The following ZNF771 variants were observed in gnomAD, a reference collection of about 807,000 sequenced individuals.
ZNF771 encodes mesenchymal stem cell protein DSC43.
ZNF771 carries 10 observed loss-of-function variants against 27.6 expected under a neutral mutation model. The ratio of observed to expected loss-of-function variants is 0.36; its 90% confidence interval spans 0.22 to 0.61. The LOEUF is 0.61. ZNF771 is among the 20% of genes least tolerant of loss of function. The probability of loss-of-function intolerance (pLI) is 0.70; values close to 1 mark genes in which losing one functional copy is unlikely to be tolerated. For synonymous variants in ZNF771, 261 were observed against 225.2 expected (o/e 1.16, Z -1.43); for missense variants, 438 against 503.7 (o/e 0.87, Z 1.25).
chr16:30,411,863 A>G (rs992781197), intron 2 of ZNF771, among the ~76,000 whole-genome samples: 31 of 152,306 alleles, frequency 2.0e-4, no homozygotes, highest in African/African-American at 7.2e-4. Context: ...TCCTGTGGCC[A>G]GTCACTGTCC....
chr16:30,418,605 T>C lies in ZNF771; in HGVS notation c.*238T>C, dbSNP rs1381341908. 2 of 412,882 alleles carry C rather than the reference T, an allele frequency of 4.8e-6. No homozygotes were observed. The highest frequency in any genetic ancestry group is 9.4e-5 in the South Asian group (1 of 10,650). 25.6% of individuals were successfully genotyped at this position (412,882 alleles called of 1,614,324 possible). A position where few individuals can be genotyped will look rare whatever the true frequency, so the allele number is the denominator to read the frequency against. On this transcript the variant is annotated 3_prime_UTR_variant, in exon 3 of 3. Transcript: ENST00000319296. ...AAGTATTATATCCTCACCCCACCCG[T>C]GCCTGTGAGTGAGGTGGGTGGGAGA...
At position 30,418,433 on chromosome 16, in the gene ZNF771, T is replaced by G; in HGVS notation, c.*66T>G. 1 of 1,331,418 alleles carries G rather than the reference T, an allele frequency of 7.5e-7. No individual in the cohort carries two copies. Among genetic ancestry groups the G allele is most frequent in the Non-Finnish European group, 9.6e-7 (1 of 1,038,974 alleles). 82.5% of individuals were successfully genotyped at this position (1,331,418 alleles called of 1,614,324 possible). On this transcript the variant is annotated 3_prime_UTR_variant, in exon 3 of 3. Coordinates refer to ENST00000319296, the MANE Select transcript of ZNF771 (RefSeq NM_001142305.2). ...TGGCTGCACTAACCCAGGCTCCTCC[T>G]CGCCCCGGCCTCCGGGTCTGGGAAA... is the stretch of plus-strand genomic sequence containing the variant.
At chr16:30,415,382 CTTTTTTTTTT>C (rs397854803) in intron 2 of ZNF771, among the ~76,000 whole-genome samples, 2 of 132,220 alleles carry the variant, frequency 1.5e-5, no homozygotes, top group South Asian at 4.8e-4. Flanking sequence ...TGCTGTCACC[CTTTTTTTTTT>C]TTTTTTTTTT....
At chr16:30,416,920 T>TA (rs34982677) in intron 2 of ZNF771, among the ~76,000 whole-genome samples, 16,136 of 100,590 alleles carry the variant, frequency 0.16, 1,302 homozygotes, top group South Asian at 0.34. Context: ...CCCTGTCTCT[T>TA]AAAAAAAAAA....
In ZNF771 at chr16:30,418,588, T is replaced by C. The variant is rs1597033909; in HGVS notation, c.*221T>C. Reference sequence around the variant, plus strand: ...GCCCGTGTTAGTGAATAAAGTATTATATCCTCACCCCACCCGTGCCTGTGA... The same window carrying C: ...GCCCGTGTTAGTGAATAAAGTATTACATCCTCACCCCACCCGTGCCTGTGA... On this transcript the variant is annotated 3_prime_UTR_variant, in exon 3 of 3. Transcript: ENST00000319296. 4.5e-6 allele frequency: 2 copies of C among 441,996 alleles called. No homozygotes were observed. Among genetic ancestry groups the C allele is most frequent in the African/African-American group, 4.1e-5 (2 of 49,060 alleles). 27.4% of individuals were successfully genotyped at this position (441,996 alleles called of 1,614,324 possible).
intron 2 of ZNF771, chr16:30,413,716 C>A: frequency 4.0e-6 from 1 of 248,296 alleles, no homozygotes; most frequent in South Asian, 3.8e-5. Flanking sequence ...ACTACAAGTG[C>A]ACCCCACCAC....
chr16:30,418,557 C>A lies in ZNF771; in HGVS notation c.*190C>A, dbSNP rs2050151330. On this transcript the variant is annotated 3_prime_UTR_variant, in exon 3 of 3. Coordinates refer to ENST00000319296, the MANE Select transcript of ZNF771 (RefSeq NM_001142305.2). ...AGTGCCCACCCCACATCACTACATT[C>A]CCTCGGCCCGTGTTAGTGAATAAAG... is the stretch of plus-strand genomic sequence containing the variant. 3.9e-6 allele frequency: 2 copies of A among 517,974 alleles called. No individual in the cohort carries two copies. The highest frequency in any genetic ancestry group is 3.5e-5 in the East Asian group (1 of 28,522). 32.1% of individuals were successfully genotyped at this position (517,974 alleles called of 1,614,324 possible).
At chr16:30,414,921 A>T (rs1394238353) in intron 2 of ZNF771, among the ~76,000 whole-genome samples, 2 of 139,458 alleles carry the variant, frequency 1.4e-5, no homozygotes, top group African/African-American at 2.7e-5. Context: ...CTGGGATTAC[A>T]GGCGTGAGCC....
At position 30,408,212 on chromosome 16, in the gene ZNF771, C is replaced by T. The variant is rs778672326; in HGVS notation, c.141+18C>T. On this transcript the variant is annotated intron_variant, in intron 2 of 2. Transcript: ENST00000319296. Reference sequence around the variant, plus strand: ...ACAAGGAGGTATGTGTCACACACACCCTGGGGCACACTGTCCCCAAACCTG... The same window carrying T: ...ACAAGGAGGTATGTGTCACACACACTCTGGGGCACACTGTCCCCAAACCTG... The T allele has an allele frequency of 1.9e-6, 3 of 1,613,636 alleles. No individual in the cohort carries two copies. Among genetic ancestry groups the T allele is most frequent in the Non-Finnish European group, 2.5e-6 (3 of 1,179,694 alleles).
Position 30,418,917 on chromosome 16 carries a change from A to C in ZNF771, c.*550A>C, listed in dbSNP as rs2050152979. ...GAGAAAACTGTAATAACACTACGTT[A>C]AAGGTTTTAACTGCTTTGTTATGTA... On this transcript the variant is annotated 3_prime_UTR_variant, in exon 3 of 3. Transcript: ENST00000319296. 6.5e-6 allele frequency: 1 copy of C among 152,960 alleles called. No individual in the cohort carries two copies. Among genetic ancestry groups the C allele is most frequent in the African/African-American group, 2.4e-5 (1 of 41,488 alleles). 9.5% of individuals were successfully genotyped at this position (152,960 alleles called of 1,614,324 possible). A position where few individuals can be genotyped will look rare whatever the true frequency, so the allele number is the denominator to read the frequency against.
chr16:30,415,576 T>C (rs2050130017), intron 2 of ZNF771, among the ~76,000 whole-genome samples: 1 of 151,522 alleles, frequency 6.6e-6, no homozygotes, highest in South Asian at 2.1e-4. Flanking sequence ...AGAGACGGGG[T>C]TTCAACATCT....
At chr16:30,409,334 G>C (rs974468358) in intron 2 of ZNF771, among the ~76,000 whole-genome samples, 9 of 152,144 alleles carry the variant, frequency 5.9e-5, no homozygotes, top group African/African-American at 2.2e-4. Context: ...AGTGAGGGTG[G>C]GTGGTTCGGT....
Position 30,417,873 on chromosome 16 carries a change from C to A in ZNF771, c.460C>A (p.Arg154Ser), listed in dbSNP as rs778957270. The A allele has an allele frequency of 7.3e-6, 11 of 1,506,678 alleles. No homozygotes were observed. The highest frequency in any genetic ancestry group is 9.7e-6 in the Non-Finnish European group (11 of 1,136,452). The allele number at this position is 1,506,678 out of a possible 1,614,324, so 93.3% of individuals were successfully genotyped here. The change falls in exon 3 of 3, where the codon CGC becomes AGC. Residue 154 changes from arginine to serine, a missense_variant. Arg to Ser is a moderately radical substitution (Grantham distance 110). Around this residue, in one of 3 missense-constraint regions of ZNF771, gnomAD observed 305 missense variants for 308.0 expected, o/e 0.99. Coordinates refer to ENST00000319296, the MANE Select transcript of ZNF771 (RefSeq NM_001142305.2). ...GCCGTACGCATGCGCGCACTGCGGCCGCCGCTTCGCGCAGAGCTCCAACTA... is the reference window on the plus strand; with the variant it reads ...GCCGTACGCATGCGCGCACTGCGGCAGCCGCTTCGCGCAGAGCTCCAACTA... ...EKPYACAHCG[R>S]RFAQSSNYAQ...
chr16:30,415,113 A>C (rs1437436274), intron 2 of ZNF771, among the ~76,000 whole-genome samples: 2 of 151,064 alleles, frequency 1.3e-5, no homozygotes, highest in Non-Finnish European at 1.5e-5. Flanking sequence ...ATGAGCCACC[A>C]CATCCAGCTG....
Position 30,417,839 on chromosome 16 carries a change from G to T in ZNF771, c.426G>T (p.Thr142=). The T allele has an allele frequency of 6.7e-7, 1 of 1,500,888 alleles. No homozygotes were observed. Among genetic ancestry groups the T allele is most frequent in the East Asian group, 2.8e-5 (1 of 35,424 alleles). 93.0% of individuals were successfully genotyped at this position (1,500,888 alleles called of 1,614,324 possible). A position where few individuals can be genotyped will look rare whatever the true frequency, so the allele number is the denominator to read the frequency against. ...SNLRQHRRRH[T]GEKPYACAHC... is the part of the protein sequence containing the mutation. ...TGCGGCAGCACCGGCGGCGGCACAC[G>T]GGCGAGAAGCCGTACGCATGCGCGC... The change falls in exon 3 of 3, where the codon ACG becomes ACT. Residue 142 remains threonine, a synonymous_variant. Transcript: ENST00000319296.
At chr16:30,407,814 G>T in intron 1 of ZNF771, 150 bp downstream of exon 1, 1 of 451,200 alleles carries the variant, frequency 2.2e-6, no homozygotes, top group Non-Finnish European at 4.1e-6. Context: ...AACTGTTCAA[G>T]GCCTTGAATG....
Position 30,417,728 on chromosome 16 carries a change from G to A in ZNF771, c.315G>A (p.Ala105=). ...ECGRRFSQKS[A]LTKHGRTHTG... The stretch of plus-strand genomic sequence containing the variant: ...GGCGGCGCTTCTCACAGAAGTCGGC[G>A]CTGACCAAACACGGCCGCACGCACA... The change falls in exon 3 of 3, where the codon GCG becomes GCA. Residue 105 remains alanine (A), a synonymous_variant. Transcript: ENST00000319296. 2 of 1,402,962 alleles carry A rather than the reference G, an allele frequency of 1.4e-6. No homozygotes were observed. Among genetic ancestry groups the A allele is most frequent in the Non-Finnish European group, 9.2e-7 (1 of 1,083,320 alleles). 86.9% of individuals were successfully genotyped at this position (1,402,962 alleles called of 1,614,324 possible).
At chr16:30,415,098 C>T (rs1044799826) in intron 2 of ZNF771, among the ~76,000 whole-genome samples, 6 of 151,520 alleles carry the variant, frequency 4.0e-5, no homozygotes, top group African/African-American at 1.2e-4. Context: ...GGTGGGATTA[C>T]AGGCATGAGC....
In ZNF771 at chr16:30,419,245, A is replaced by C. The variant is rs1280943710; in HGVS notation, c.*878A>C. 2.3e-5 allele frequency: 3 copies of C among 132,322 alleles called. No homozygotes were observed. Among genetic ancestry groups the C allele is most frequent in the Non-Finnish European group, 3.4e-5 (2 of 57,986 alleles). 8.2% of individuals were successfully genotyped at this position (132,322 alleles called of 1,614,324 possible). A position where few individuals can be genotyped will look rare whatever the true frequency, so the allele number is the denominator to read the frequency against. On this transcript the variant is annotated 3_prime_UTR_variant, in exon 3 of 3. Coordinates refer to ENST00000319296, the MANE Select transcript of ZNF771 (RefSeq NM_001142305.2). The stretch of plus-strand genomic sequence containing the variant: ...AGGAAGACTGCCTCAAACAAACAAA[A>C]AACAACAAACCAAACCAAACCAAAC...
Sources: allele counts gnomAD v4.1 joint callset (sites outside exome capture counted in the v4.1 genomes callset), GRCh38; gene constraint gnomAD v4.1.1; regional missense constraint gnomAD v4.1.1; transcripts MANE v1.5; gene names NCBI Gene and HGNC (gene_info 2026-07-23, HGNC 2026-07-21).